The following YAP1 variants were observed in gnomAD, a reference collection of about 807,000 sequenced individuals.
YAP1 encodes the protein transcriptional coactivator YAP1.
In YAP1, 5 loss-of-function variants were observed where a neutral mutation model predicts 56.9. The ratio of observed to expected loss-of-function variants is 0.09; its 90% CI spans 0.05 to 0.18. The LOEUF (loss-of-function observed/expected upper bound fraction) is 0.18, where lower values mean the gene tolerates loss of function less well. Among genes scored for constraint, YAP1 ranks in the 10% least tolerant of loss-of-function variants. The probability of loss-of-function intolerance (pLI) is 1.00; values close to 1 mark genes in which losing one functional copy is unlikely to be tolerated. For missense variants in YAP1, 539 were observed against 651.8 expected (o/e 0.83, Z 1.88); for synonymous variants, 265 against 248.1 (o/e 1.07, Z -0.64).
intron 2 of YAP1, among the ~76,000 whole-genome samples, chr11:102,124,425 C>G (rs766401723): frequency 1.3e-5 from 2 of 152,120 alleles, no homozygotes; most frequent in Non-Finnish European, 2.9e-5. Flanking sequence ...TAAAGAAACT[C>G]GGTCTTCAAT....
intron 4 of YAP1, among the ~76,000 whole-genome samples, chr11:102,192,576 A>G (rs1444142363): frequency 1.3e-5 from 2 of 152,224 alleles, no homozygotes; most frequent in Non-Finnish European, 2.9e-5. Context: ...CTATCACAAT[A>G]TAACCAACTG....
intron 2 of YAP1, among the ~76,000 whole-genome samples, chr11:102,136,366 A>T (rs1944674616): frequency 1.4e-5 from 2 of 147,426 alleles, no homozygotes; most frequent in Non-Finnish European, 3.0e-5. Flanking sequence ...TTTTTTTAAA[A>T]CAGGGTCTCC....
At chr11:102,193,218 T>G (rs905841650) in intron 4 of YAP1, among the ~76,000 whole-genome samples, 7 of 152,178 alleles carry the variant, frequency 4.6e-5, no homozygotes, top group African/African-American at 1.7e-4. Context: ...CTCACTACAT[T>G]TTCTTTTTCC....
intron 6 of YAP1, among the ~76,000 whole-genome samples, chr11:102,218,095 G>A (rs375280742): frequency 2.8e-4 from 43 of 152,174 alleles, no homozygotes; most frequent in Middle Eastern, 3.4e-3. Context: ...TTGTATATCC[G>A]TTATATATCA....
chr11:102,132,525 A>T (rs192942569), intron 2 of YAP1, among the ~76,000 whole-genome samples: 7 of 152,344 alleles, frequency 4.6e-5, no homozygotes, highest in Non-Finnish European at 1.0e-4. Context: ...CAAAGTGAGG[A>T]CTATGCATTA....
At chr11:102,175,788 A>G (rs1470022855) in intron 3 of YAP1, among the ~76,000 whole-genome samples, 1 of 152,224 alleles carries the variant, frequency 6.6e-6, no homozygotes, top group African/African-American at 2.4e-5. Context: ...GCATTGCACT[A>G]TAACATTACC....
chr11:102,112,339 T>C (rs573935726), intron 1 of YAP1: 914 of 920,374 alleles, frequency 9.9e-4, no homozygotes, highest in Non-Finnish European at 1.2e-3. Context: ...TGAAACTGTT[T>C]ATAATGAGTG....
chr11:102,122,820 G>C (rs1226909479), intron 2 of YAP1, among the ~76,000 whole-genome samples: 1 of 150,398 alleles, frequency 6.6e-6, no homozygotes, highest in African/African-American at 2.5e-5. Flanking sequence ...TTTGAACCTG[G>C]GAGGTGGAGG....
intron 6 of YAP1, among the ~76,000 whole-genome samples, chr11:102,212,365 G>A (rs538382039): frequency 3.3e-5 from 5 of 152,198 alleles, no homozygotes; most frequent in Non-Finnish European, 5.9e-5. Flanking sequence ...TGCTGTGCTC[G>A]TGTACACTAA....
chr11:102,152,747 G>A (rs1430444748), intron 2 of YAP1, among the ~76,000 whole-genome samples: 1 of 152,186 alleles, frequency 6.6e-6, no homozygotes, highest in Non-Finnish European at 1.5e-5. Context: ...TGAGTAATCT[G>A]AATATATTTT....
intron 2 of YAP1, among the ~76,000 whole-genome samples, chr11:102,114,598 A>G (rs1943161427): frequency 6.6e-6 from 1 of 152,102 alleles, no homozygotes; most frequent in African/African-American, 2.4e-5. Context: ...ATATTTTGAA[A>G]GCTTTACTGA....
chr11:102,219,342 A>G lies in YAP1; in HGVS notation c.1033-4280A>G, dbSNP rs1337853841. 5.3e-5 allele frequency among the ~76,000 whole-genome samples: 8 copies of G among 152,268 alleles called. No individual in the cohort carries two copies. In the South Asian group the frequency reaches 8.3e-4, roughly 16 times the overall value. On this transcript the variant is annotated intron_variant, in intron 6 of 8. Coordinates refer to ENST00000282441, the MANE Select transcript of YAP1 (RefSeq NM_001130145.3). ...GGGGTACAGCAAAAATAATTACGAT[A>G]TTTTGTGATAAGTGCTGTGTTCAGG...
At chr11:102,127,731 T>TG (rs1432694736) in intron 2 of YAP1, among the ~76,000 whole-genome samples, 8 of 152,112 alleles carry the variant, frequency 5.3e-5, no homozygotes, top group Non-Finnish European at 1.0e-4. Context: ...ACTGACACCT[T>TG]GCATCGTGCT....
chr11:102,189,389 T>C (rs184650359), intron 4 of YAP1, among the ~76,000 whole-genome samples: 1 of 152,342 alleles, frequency 6.6e-6, no homozygotes, highest in Admixed American at 6.5e-5. Flanking sequence ...TGATCTTTAA[T>C]GTTATTTTCG....
intron 3 of YAP1, among the ~76,000 whole-genome samples, chr11:102,171,257 G>C (rs1320349432): frequency 6.6e-6 from 1 of 152,052 alleles, no homozygotes; most frequent in Non-Finnish European, 1.5e-5. Flanking sequence ...AAATCCTTCT[G>C]GTTACTCTAT....
At chr11:102,195,615 T>G (rs974842618) in intron 4 of YAP1, among the ~76,000 whole-genome samples, 10 of 152,172 alleles carry the variant, frequency 6.6e-5, no homozygotes, top group East Asian at 1.9e-4. Flanking sequence ...GCTCGCAAGA[T>G]CTTATGGTTT....
chr11:102,153,362 T>G (rs1018650214), intron 2 of YAP1, among the ~76,000 whole-genome samples: 1 of 152,154 alleles, frequency 6.6e-6, no homozygotes, highest in Non-Finnish European at 1.5e-5. Context: ...CCCACCACAG[T>G]TGTAGTGGAC....
intron 6 of YAP1, among the ~76,000 whole-genome samples, chr11:102,221,981 G>A (rs570620939): frequency 1.3e-5 from 2 of 151,944 alleles, no homozygotes; most frequent in East Asian, 3.9e-4. Flanking sequence ...GAAGTTCAGA[G>A]ACTCTCTGAA....
intron 4 of YAP1, among the ~76,000 whole-genome samples, chr11:102,188,490 T>G (rs1340987587): frequency 6.6e-6 from 1 of 152,220 alleles, no homozygotes; most frequent in Non-Finnish European, 1.5e-5. Flanking sequence ...TACACTTCAT[T>G]TGCTGCATAA....
Sources: allele counts gnomAD v4.1 joint callset (sites outside exome capture counted in the v4.1 genomes callset), GRCh38; gene constraint gnomAD v4.1.1; transcripts MANE v1.5; gene names NCBI Gene and HGNC (gene_info 2026-07-23, HGNC 2026-07-21).